Variants in AIG1 observed in about 807,000 individuals in gnomAD.
AIG1 encodes the protein androgen-induced gene 1 protein.
AIG1 carries 23 observed loss-of-function variants against 31.4 expected under a neutral mutation model. That is an observed-to-expected ratio of 0.73 (90% CI 0.53 to 1.04). AIG1 has a LOEUF of 1.04. Among genes scored for constraint, AIG1 ranks in the 50% least tolerant of loss-of-function variants. The probability of loss-of-function intolerance (pLI) is 0.00; values close to 1 mark genes in which losing one functional copy is unlikely to be tolerated. For synonymous variants in AIG1, 100 were observed against 110.5 expected, an observed-to-expected ratio of 0.90 and a Z score of 0.60; for missense variants, 274 against 295.0, an observed-to-expected ratio of 0.93 and a Z score of 0.52.
chr6:143,209,220 A>C (rs1379348676), intron 3 of AIG1, among the ~76,000 whole-genome samples: 1 of 152,236 alleles, frequency 6.6e-6, no homozygotes, highest in South Asian at 2.1e-4. Context: ...TGAATTTACC[A>C]AACATCTATT....
At position 143,226,234 on chromosome 6, in the gene AIG1, C is replaced by CTA. The variant is rs139363562; in HGVS notation, c.400-57864_400-57863dup. Among the ~76,000 whole-genome samples the CTA allele has an allele frequency of 1.9e-3, 276 of 145,836 alleles. 2 individuals are homozygous for CTA. Among genetic ancestry groups the CTA allele is most frequent in the East Asian group, 5.5e-3 (27 of 4,904 alleles). ...CAGTTACACATTCCATTCTTCTTAA[C>CTA]TATATATATATATTTTTTTTTTTTT... On this transcript the variant is annotated intron_variant, in intron 3 of 5. Coordinates refer to ENST00000357847, the MANE Select transcript of AIG1 (RefSeq NM_016108.4).
intron 3 of AIG1, among the ~76,000 whole-genome samples, chr6:143,255,638 G>T (rs1224447958): frequency 6.6e-6 from 1 of 152,118 alleles, no homozygotes; most frequent in African/African-American, 2.4e-5. Context: ...ATAATATGGG[G>T]TCACCCACAT....
At chr6:143,342,178 C>T, downstream of AIG1, 1 of 594,042 alleles carries the variant, frequency 1.7e-6, no homozygotes, top group Non-Finnish European at 3.1e-6. Context: ...CCGCCTTGGC[C>T]TCTCAAAGTA....
rs1776583712 is a variant in AIG1 at position 143,326,051 on chromosome 6, G to T, written c.516-7231G>T. Among the ~76,000 whole-genome samples, 1 of 152,130 alleles carries T rather than the reference G, an allele frequency of 6.6e-6. No individual in the cohort carries two copies. ...ATGACTCAACAGTTTGATAGACACTGGTCTAAGTGTTCTTAAATCTTTCAG... is the reference window on the plus strand; with the variant it reads ...ATGACTCAACAGTTTGATAGACACTTGTCTAAGTGTTCTTAAATCTTTCAG... On this transcript the variant is annotated intron_variant, in intron 4 of 5. Coordinates refer to ENST00000357847, the MANE Select transcript of AIG1 (RefSeq NM_016108.4). The surrounding 1 kb of genome is among the most constrained non-coding windows in gnomAD (Gnocchi z 4.5).
At chr6:143,189,869 G>C in intron 3 of AIG1, 1 of 918,256 alleles carries the variant, frequency 1.1e-6, no homozygotes, top group Non-Finnish European at 1.3e-6. Flanking sequence ...CAATTGGGTG[G>C]CTTATAAACA....
At chr6:143,206,485 T>A (rs1045928952) in intron 3 of AIG1, among the ~76,000 whole-genome samples, 1 of 152,144 alleles carries the variant, frequency 6.6e-6, no homozygotes, top group Non-Finnish European at 1.5e-5. Context: ...CAAATCCAAC[T>A]CCACTCATTT....
chr6:143,095,471 C>G lies in AIG1; in HGVS notation c.141+34405C>G, dbSNP rs186998122. On this transcript the variant is annotated intron_variant, in intron 1 of 5. Transcript: ENST00000357847. The stretch of plus-strand genomic sequence containing the variant: ...ATATAAGTAGCCATGCAAGAAAAAC[C>G]AAATAAAACATACACAAAGAGCACT... Among the ~76,000 whole-genome samples the G allele has an allele frequency of 1.7e-3, 259 of 152,060 alleles. 1 individual carries two copies. Among genetic ancestry groups the G allele is most frequent in the African/African-American group, 6.1e-3 (251 of 41,486 alleles).
At chr6:143,215,391 A>AT (rs1166498004) in intron 3 of AIG1, among the ~76,000 whole-genome samples, 1 of 152,090 alleles carries the variant, frequency 6.6e-6, no homozygotes, top group African/African-American at 2.4e-5. Context: ...ATAGACTCTT[A>AT]TTTTTATCTG....
chr6:143,163,929 C>T (rs538872331), intron 2 of AIG1, among the ~76,000 whole-genome samples: 28 of 152,262 alleles, frequency 1.8e-4, no homozygotes, highest in African/African-American at 6.7e-4. Context: ...CAGCCAGCCT[C>T]CTTTGCCTTC....
Position 143,060,968 on chromosome 6 carries a change from C to T in AIG1, c.43C>T (p.Leu15=). Residue 15 remains leucine, a synonymous_variant, in exon 1 of 6, where the codon CTG becomes TTG. Coordinates refer to ENST00000357847, the MANE Select transcript of AIG1 (RefSeq NM_016108.4). ...CCAGGTGCTGCGGATGGCAATCCTG[C>T]TGTCTTACTGCTCTATCCTGTGTAA... ...PCQVLRMAIL[L]SYCSILCNYK... 1 of 1,612,874 alleles carries T rather than the reference C, an allele frequency of 6.2e-7. No homozygotes were observed. Among genetic ancestry groups the T allele is most frequent in the Non-Finnish European group, 8.5e-7 (1 of 1,179,762 alleles).
At chr6:143,168,642 TA>T (rs879939350) in intron 3 of AIG1, among the ~76,000 whole-genome samples, 27 of 147,742 alleles carry the variant, frequency 1.8e-4, no homozygotes, top group Admixed American at 3.4e-4. Flanking sequence ...CCCTGTCTCT[TA>T]AAAAAAAAAA....
At chr6:143,249,445 G>A (rs184533422) in intron 3 of AIG1, among the ~76,000 whole-genome samples, 5 of 152,280 alleles carry the variant, frequency 3.3e-5, no homozygotes, top group Admixed American at 3.3e-4. Flanking sequence ...AACCAGCCAG[G>A]CACCTCACAG....
chr6:143,333,488 C>A lies in AIG1; in HGVS notation c.679+43C>A, dbSNP rs2303386. 1 of 1,596,926 alleles carries A rather than the reference C, an allele frequency of 6.3e-7. No homozygotes were observed. The highest frequency in any genetic ancestry group is 1.1e-5 in the South Asian group (1 of 89,208). On this transcript the variant is annotated intron_variant, in intron 5 of 5. Coordinates refer to ENST00000357847, the MANE Select transcript of AIG1 (RefSeq NM_016108.4). This position sits in a 1 kb window ranked among gnomAD's most constrained non-coding sequence, Gnocchi z 4.6. Reference sequence around the variant, plus strand: ...GAACATAAAACAAGAGAATTACTGCCGGCAACAGTCTATGCAGAGACTGAG... The same window carrying A: ...GAACATAAAACAAGAGAATTACTGCAGGCAACAGTCTATGCAGAGACTGAG...
At chr6:143,095,071 C>T (rs3804530) in intron 1 of AIG1, among the ~76,000 whole-genome samples, 9,362 of 152,088 alleles carry the variant, frequency 0.062, 679 homozygotes, top group East Asian at 0.37. Context: ...GCAAAATTAA[C>T]ATCCACAATG....
chr6:143,316,257 C>T (rs895540019), intron 4 of AIG1, among the ~76,000 whole-genome samples: 1 of 152,082 alleles, frequency 6.6e-6, no homozygotes, highest in Non-Finnish European at 1.5e-5. Context: ...TAGTTTCCCT[C>T]TATCAGATTT....
At chr6:143,341,337 T>C (rs1777847094), downstream of AIG1, among the ~76,000 whole-genome samples, 1 of 152,182 alleles carries the variant, frequency 6.6e-6, no homozygotes, top group Non-Finnish European at 1.5e-5. Context: ...ACTACATGTA[T>C]CTTACCTGTC....
chr6:143,216,278 G>A (rs906101012), intron 3 of AIG1, among the ~76,000 whole-genome samples: 3 of 152,080 alleles, frequency 2.0e-5, no homozygotes, highest in African/African-American at 7.2e-5. Flanking sequence ...CCGGATGATC[G>A]AGGGCTTTTC....
At chr6:143,127,456 T>C (rs112866115) in intron 1 of AIG1, among the ~76,000 whole-genome samples, 1 of 152,220 alleles carries the variant, frequency 6.6e-6, no homozygotes, top group Non-Finnish European at 1.5e-5. Flanking sequence ...TACACCATAA[T>C]CAAAATGTGG....
chr6:143,188,426 G>A, intron 3 of AIG1: 1 of 985,440 alleles, frequency 1.0e-6, no homozygotes. Context: ...TGGATAACAT[G>A]AAGCTGTGCT....
Sources: allele counts gnomAD v4.1 joint callset (sites outside exome capture counted in the v4.1 genomes callset), GRCh38; gene constraint gnomAD v4.1.1; non-coding constraint Gnocchi (gnomAD v3.1); transcripts MANE v1.5; gene names NCBI Gene and HGNC (gene_info 2026-07-23, HGNC 2026-07-21).